The following SGSM3 variants were observed in gnomAD, a reference collection of about 807,000 sequenced individuals.
SGSM3 encodes small G protein signaling modulator 3.
Under a neutral mutation model 100.5 loss-of-function variants are expected in SGSM3, and 96 were observed. The observed-to-expected ratio is 0.96, with a 90% CI of 0.81 to 1.13. SGSM3 has a LOEUF of 1.13. Ranked by LOEUF, SGSM3 falls within the 50% of genes most tolerant of loss-of-function variation. The pLI, the probability that SGSM3 is intolerant of heterozygous loss-of-function variation, is 0.00. For synonymous variants in SGSM3, 483 were observed against 422.8 expected (o/e 1.14, Z -1.75); for missense variants, 1,001 against 1,015.8 (o/e 0.99, Z 0.20).
In SGSM3 at chr22:40,410,111, A is replaced by C; in HGVS notation, c.*352A>C. ...AAACTGTGTCTGTCTTTGAGAAAGCACCTACCTGTCTTCTGTGCAGCTAGG... is the reference window on the plus strand; with the variant it reads ...AAACTGTGTCTGTCTTTGAGAAAGCCCCTACCTGTCTTCTGTGCAGCTAGG... On this transcript the variant is annotated 3_prime_UTR_variant, in exon 22 of 22. Coordinates refer to ENST00000248929, the MANE Select transcript of SGSM3 (RefSeq NM_015705.6). 6.1e-6 allele frequency: 7 copies of C among 1,154,908 alleles called. No homozygotes were observed. Among genetic ancestry groups the C allele is most frequent in the Non-Finnish European group, 7.5e-6 (7 of 936,868 alleles). The allele number at this position is 1,154,908 out of a possible 1,614,324, so 71.5% of individuals were successfully genotyped here.
intron 1 of SGSM3, among the ~76,000 whole-genome samples, chr22:40,395,776 C>T (rs1212152032): frequency 2.0e-5 from 3 of 152,230 alleles, no homozygotes; most frequent in Non-Finnish European, 2.9e-5. Context: ...TCATTCCCCA[C>T]ATCCAACTCT....
chr22:40,388,576 G>C (rs1257605026), intron 1 of SGSM3, among the ~76,000 whole-genome samples: 1 of 152,188 alleles, frequency 6.6e-6, no homozygotes, highest in East Asian at 1.9e-4. Flanking sequence ...AGGTTTTAAA[G>C]ATGGGAGGGA....
At chr22:40,402,906 C>T (rs1272928649) in intron 4 of SGSM3, among the ~76,000 whole-genome samples, 2 of 152,190 alleles carry the variant, frequency 1.3e-5, no homozygotes, top group Non-Finnish European at 2.9e-5. Context: ...AGTCCATCTG[C>T]CAGGCCAGAA....
intron 19 of SGSM3, 40 bp from the exon 20 acceptor site, chr22:40,409,210 T>C (rs922545522): frequency 6.4e-7 from 1 of 1,569,926 alleles, no homozygotes; most frequent in Non-Finnish European, 8.6e-7. Flanking sequence ...CAGAAGGGCC[T>C]GGAGCTGCCC....
rs779569494 is a variant in SGSM3, at chr22:40,401,686, T to C, written c.90+11T>C. The C allele has an allele frequency of 1.2e-6, 2 of 1,609,220 alleles. No homozygotes were observed. The highest frequency in any genetic ancestry group is 2.2e-5 in the East Asian group (1 of 44,754). ...GCCAAGTACACGCAGGTATAGCAGT[T>C]AGCCAGGCACCAGCCTGCTGTGCTC... On this transcript the variant is annotated intron_variant, in intron 3 of 21. Coordinates refer to ENST00000248929, the MANE Select transcript of SGSM3 (RefSeq NM_015705.6).
In SGSM3 at chr22:40,400,690, T is replaced by C; in HGVS notation, c.-111-6T>C. The C allele has an allele frequency of 1.0e-6, 1 of 998,380 alleles. No homozygotes were observed. The highest frequency in any genetic ancestry group is 1.5e-6 in the Non-Finnish European group (1 of 659,138). 61.8% of individuals were successfully genotyped at this position (998,380 alleles called of 1,614,324 possible). ...AGAATGACTTTCCTCTTTTCTCTTC[T>C]AACAGGGCAGATGATTCTGGACCAG... On this transcript the variant is annotated splice_polypyrimidine_tract_variant and splice_region_variant and intron_variant, in intron 1 of 21. Coordinates refer to ENST00000248929, the MANE Select transcript of SGSM3 (RefSeq NM_015705.6).
chr22:40,386,972 G>A (rs1316355645), intron 1 of SGSM3, among the ~76,000 whole-genome samples: 1 of 151,962 alleles, frequency 6.6e-6, no homozygotes, highest in Admixed American at 6.6e-5. Context: ...CTTAAATCTG[G>A]CTGGCTCCCA....
At chr22:40,383,432 A>G (rs1032227487) in intron 1 of SGSM3, among the ~76,000 whole-genome samples, 1 of 149,792 alleles carries the variant, frequency 6.7e-6, no homozygotes, top group Admixed American at 6.8e-5. Flanking sequence ...ACGCCACTGC[A>G]CTCCACCCTT....
chr22:40,391,966 G>A (rs1042182891), intron 1 of SGSM3, among the ~76,000 whole-genome samples: 3 of 152,198 alleles, frequency 2.0e-5, no homozygotes, highest in Non-Finnish European at 2.9e-5. Flanking sequence ...AAGCAGATTC[G>A]TAAATAGCTT....
intron 7 of SGSM3, 117 bp downstream of exon 7, chr22:40,405,401 A>C: frequency 5.6e-6 from 6 of 1,070,274 alleles, no homozygotes; most frequent in Non-Finnish European, 7.7e-6. Context: ...GACCCCTAAC[A>C]AGGAGTGGCC....
At position 40,408,663 on chromosome 22, in the gene SGSM3, G is replaced by A. The variant is rs765956501; in HGVS notation, c.1819G>A (p.Val607Met). ...GGAGGTCGAGAGAGACTTTGCCTCC[G>A]TGTATTCCCGTCTGGTGCTCTGTAA... ...GREVERDFAS[V>M]YSRLVLCKTF... The change falls in exon 17 of 22, where the codon GTG becomes ATG. Residue 607 changes from valine (V) to methionine (M), a missense_variant. Val to Met is a conservative substitution (Grantham distance 21, BLOSUM62 1). Transcript: ENST00000248929. 56 of 1,613,922 alleles carry A rather than the reference G, an allele frequency of 3.5e-5. No homozygotes were observed. The highest frequency in any genetic ancestry group is 3.3e-4 in the Admixed American group (20 of 60,012).
chr22:40,409,289 C>T lies in SGSM3; in HGVS notation c.2028C>T (p.Ser676=). The change falls in exon 20 of 22, where the codon TCC becomes TCT. Residue 676 remains serine, a synonymous_variant. Coordinates refer to ENST00000248929, the MANE Select transcript of SGSM3 (RefSeq NM_015705.6). Reference sequence around the variant, plus strand: ...ACCTGTGGCTGGAGGTGCTCTGCTCCAGCCTGCCCACCGTGGAGAAGTGGT... The same window carrying T: ...ACCTGTGGCTGGAGGTGCTCTGCTCTAGCCTGCCCACCGTGGAGAAGTGGT... The part of the protein sequence containing the change: ...VLHLWLEVLC[S]SLPTVEKWYQ... 1.2e-6 allele frequency: 2 copies of T among 1,612,400 alleles called. No individual in the cohort carries two copies. Among genetic ancestry groups the T allele is most frequent in the Non-Finnish European group, 1.7e-6 (2 of 1,179,860 alleles).
Position 40,407,267 on chromosome 22 carries a change from G to C in SGSM3, c.1307G>C (p.Arg436Pro), listed in dbSNP as rs1405003675. Reference protein sequence around the residue: ...IKQTELVADLREAILRVARHF... With the variant: ...IKQTELVADLPEAILRVARHF... ...CAGACGGAACTGGTGGCTGACCTCC[G>C]GGAAGCCATCCTGCGCGTGGCACGC... The change falls in exon 12 of 22, where the codon CGG becomes CCG. Residue 436 changes from arginine to proline, a missense_variant. By Grantham distance (103) the Arg-to-Pro change is moderately radical (BLOSUM62 -2). Coordinates refer to ENST00000248929, the MANE Select transcript of SGSM3 (RefSeq NM_015705.6). This position sits in a 1 kb window ranked among gnomAD's most constrained non-coding sequence, Gnocchi z 4.7. 6.2e-7 allele frequency: 1 copy of C among 1,613,508 alleles called. No individual in the cohort carries two copies. The highest frequency in any genetic ancestry group is 1.3e-5 in the African/African-American group (1 of 74,942).
intron 1 of SGSM3, among the ~76,000 whole-genome samples, chr22:40,371,040 TA>T (rs1438861458): frequency 1.3e-5 from 2 of 152,222 alleles, no homozygotes; most frequent in Non-Finnish European, 2.9e-5. Context: ...GGGGGCTTTC[TA>T]AAAAGAGCCT....
intron 1 of SGSM3, among the ~76,000 whole-genome samples, chr22:40,372,386 A>G (rs2045759585): frequency 1.3e-5 from 2 of 151,560 alleles, no homozygotes; most frequent in Non-Finnish European, 1.5e-5. Flanking sequence ...CGGCCTCCCA[A>G]AGTGCTGGGA....
Position 40,408,282 on chromosome 22 carries a change from C to G in SGSM3, c.1635C>G (p.Ser545=), listed in dbSNP as rs141586017. 5.0e-6 allele frequency: 8 copies of G among 1,613,538 alleles called. No individual in the cohort carries two copies. The East Asian group carries it at 1.1e-4, about 22-fold the overall frequency. The change falls in exon 16 of 22, where the codon TCC becomes TCG. Residue 545 remains serine (S), a synonymous_variant. Coordinates refer to ENST00000248929, the MANE Select transcript of SGSM3 (RefSeq NM_015705.6). ...AGACCCATCCCTCCCATCAGTACTCCATCGCGGGGGATGACTCGGTGACGG... is the reference window on the plus strand; with the variant it reads ...AGACCCATCCCTCCCATCAGTACTCGATCGCGGGGGATGACTCGGTGACGG... The part of the protein sequence containing the change: ...EVLDERSKEY[S]IAGDDSVTEG...
intron 10 of SGSM3, 157 bp from the exon 11 acceptor site, chr22:40,406,860 C>T (rs765994958): frequency 2.0e-5 from 18 of 911,364 alleles, no homozygotes; most frequent in South Asian, 1.1e-4. Flanking sequence ...GATCCTGGCA[C>T]GGTTTGGGAG....
At chr22:40,371,549 T>C (rs1725382149) in intron 1 of SGSM3, among the ~76,000 whole-genome samples, 1 of 152,158 alleles carries the variant, frequency 6.6e-6, no homozygotes, top group Non-Finnish European at 1.5e-5. Context: ...TTGTGACAGG[T>C]TTGTGATTAG....
At chr22:40,402,917 CTG>C (rs1214760453) in intron 4 of SGSM3, among the ~76,000 whole-genome samples, 3 of 152,228 alleles carry the variant, frequency 2.0e-5, no homozygotes, top group African/African-American at 7.2e-5. Flanking sequence ...CAGGCCAGAA[CTG>C]TGGCTAGGAC....
Sources: gnomAD v4.1 joint callset for allele counts (sites outside exome capture counted in the v4.1 genomes callset) on GRCh38, gnomAD v4.1.1 for gene constraint, Gnocchi (gnomAD v3.1) non-coding constraint, MANE v1.5 for transcripts, NCBI Gene and HGNC (gene_info 2026-07-23, HGNC 2026-07-21) for gene names.